Variants in WWOX observed in about 807,000 individuals in gnomAD.
WWOX encodes the protein WW domain-containing oxidoreductase.
Under a neutral mutation model 46.2 loss-of-function variants are expected in WWOX, and 69 were observed. The observed-to-expected ratio is 1.49, with a 90% CI of 1.23 to 1.82. The LOEUF is 1.82. Ranked by LOEUF, WWOX falls within the 40% of genes most tolerant of loss-of-function variation. The pLI is 0.00. For missense variants in WWOX, 919 were observed against 542.6 expected (o/e 1.69, Z -6.89); for synonymous variants, 359 against 202.6 (o/e 1.77, Z -6.56).
intron 8 of WWOX, among the ~76,000 whole-genome samples, chr16:78,562,074 A>G (rs569204014): frequency 2.6e-5 from 4 of 152,328 alleles, no homozygotes; most frequent in African/African-American, 9.6e-5. Context: ...TGGGCACTCA[A>G]CAAACATCAC....
intron 8 of WWOX, among the ~76,000 whole-genome samples, chr16:78,821,962 G>C (rs757170620): frequency 2.0e-5 from 3 of 152,028 alleles, no homozygotes; most frequent in African/African-American, 4.8e-5. Flanking sequence ...CAGCAGCCTC[G>C]ACCTACCAGG....
chr16:78,841,942 G>C (rs1222742496), intron 8 of WWOX, among the ~76,000 whole-genome samples: 1 of 152,064 alleles, frequency 6.6e-6, no homozygotes, highest in Admixed American at 6.6e-5. Context: ...TAATGCACTG[G>C]ACAGAGCTGG....
At chr16:78,554,845 C>G (rs1244742445) in intron 8 of WWOX, among the ~76,000 whole-genome samples, 1 of 152,172 alleles carries the variant, frequency 6.6e-6, no homozygotes, top group African/African-American at 2.4e-5. Flanking sequence ...TGGCCCAGTG[C>G]TTTCTGAAGA....
In WWOX at chr16:78,738,264, C is replaced by T. The variant is rs184043238; in HGVS notation, c.1056+305512C>T. ...GTTGAGTAGATAATTTTTCCCCTTT[C>T]TAATATTATATATTAGGTGTGCTCT... On this transcript the variant is annotated intron_variant, in intron 8 of 8. Coordinates refer to ENST00000566780, the MANE Select transcript of WWOX (RefSeq NM_016373.4). Among the ~76,000 whole-genome samples, 6 of 152,194 alleles carry T rather than the reference C, an allele frequency of 3.9e-5. No individual in the cohort carries two copies. In the East Asian group the frequency reaches 7.7e-4, roughly 20 times the overall value.
At chr16:78,378,440 C>G (rs1419064004) in intron 5 of WWOX, among the ~76,000 whole-genome samples, 1 of 152,074 alleles carries the variant, frequency 6.6e-6, no homozygotes, top group Non-Finnish European at 1.5e-5. Flanking sequence ...AACTGTGTCC[C>G]CATGCATTTT....
At chr16:79,007,176 C>T (rs566152977) in intron 8 of WWOX, among the ~76,000 whole-genome samples, 105 of 152,166 alleles carry the variant, frequency 6.9e-4, no homozygotes, top group Non-Finnish European at 1.2e-3. Context: ...GGGTGAAGGG[C>T]GTTGAAGAAG....
At chr16:78,670,996 G>A (rs1216170328) in intron 8 of WWOX, among the ~76,000 whole-genome samples, 1 of 151,862 alleles carries the variant, frequency 6.6e-6, no homozygotes, top group African/African-American at 2.4e-5. Context: ...ACCAGCCAAG[G>A]AATGCCAAGG....
intron 8 of WWOX, among the ~76,000 whole-genome samples, chr16:79,161,817 T>C (rs1323953179): frequency 2.0e-5 from 3 of 152,172 alleles, no homozygotes; most frequent in Admixed American, 1.3e-4. Flanking sequence ...CCTCACGTGG[T>C]TGAGATTTTT....
intron 5 of WWOX, among the ~76,000 whole-genome samples, chr16:78,285,032 G>C (rs1329203203): frequency 1.3e-5 from 2 of 152,154 alleles, no homozygotes; most frequent in Non-Finnish European, 2.9e-5. Context: ...TTAATGCTTG[G>C]CTAGCTGGTG....
chr16:78,777,528 G>C (rs2050221419), intron 8 of WWOX, among the ~76,000 whole-genome samples: 1 of 152,060 alleles, frequency 6.6e-6, no homozygotes, highest in Admixed American at 6.6e-5. Flanking sequence ...AGAGGCCCCT[G>C]GTCCTACTGA....
intron 8 of WWOX, among the ~76,000 whole-genome samples, chr16:78,703,373 T>G (rs1056435083): frequency 2.0e-5 from 3 of 152,190 alleles, no homozygotes; most frequent in Non-Finnish European, 4.4e-5. Context: ...TCCAGCATTT[T>G]GGGAGGCTGA....
rs368839774 is a variant in WWOX at position 78,107,481 on chromosome 16, T to G, written c.108-942T>G. ...TGTACAATATTCTTATAGTAGCCCCTGAGACCAGTGCTAGGATTATTTCCA... is the reference window on the plus strand; with the variant it reads ...TGTACAATATTCTTATAGTAGCCCCGGAGACCAGTGCTAGGATTATTTCCA... On this transcript the variant is annotated intron_variant, in intron 1 of 8. Coordinates refer to ENST00000566780, the MANE Select transcript of WWOX (RefSeq NM_016373.4). Among the ~76,000 whole-genome samples the G allele has an allele frequency of 7.2e-5, 11 of 152,332 alleles. No individual in the cohort carries two copies. The East Asian group carries it at 1.9e-3, about 27-fold the overall frequency.
At chr16:79,176,979 T>C (rs1032240872) in intron 8 of WWOX, among the ~76,000 whole-genome samples, 1 of 152,158 alleles carries the variant, frequency 6.6e-6, no homozygotes, top group African/African-American at 2.4e-5. Flanking sequence ...TGGAGTACAA[T>C]GAATAGATGT....
intron 8 of WWOX, among the ~76,000 whole-genome samples, chr16:78,640,226 GTTTTTTTTTTTTTTTT>G (rs34129775): frequency 3.1e-5 from 2 of 65,346 alleles, no homozygotes; most frequent in Non-Finnish European, 5.3e-5. Flanking sequence ...TTGTTGTTGG[GTTTTTTTTTTTTTTTT>G]TTTTTTTTTT....
chr16:78,813,441 T>C (rs2142716248), intron 8 of WWOX, among the ~76,000 whole-genome samples: 1 of 152,308 alleles, frequency 6.6e-6, no homozygotes, highest in Admixed American at 6.5e-5. Context: ...AGCTGAGTTT[T>C]GCTAGAGTCC....
rs72154074 is a variant in WWOX at position 78,147,676 on chromosome 16, T to TTTTTTTTG, written c.410-16500_410-16499insGTTTTTTT. Among the ~76,000 whole-genome samples, 383 of 54,164 alleles carry TTTTTTTTG rather than the reference T, an allele frequency of 7.1e-3. 2 individuals carry two copies. Among genetic ancestry groups the TTTTTTTTG allele is most frequent in the Non-Finnish European group, 9.4e-3 (225 of 23,988 alleles). 35.5% of individuals were successfully genotyped at this position (54,164 alleles called of 152,430 possible). A position where few individuals can be genotyped will look rare whatever the true frequency, so the allele number is the denominator to read the frequency against. Reference sequence around the variant, plus strand: ...CTGAATTTTTCTTTTTCTTTCTTCCTTTTTTTTTTTTTTTTTTTTTAAAAA... The same window carrying TTTTTTTTG: ...CTGAATTTTTCTTTTTCTTTCTTCCTTTTTTTTGTTTTTTTTTTTTTTTTTTTTAAAAA... On this transcript the variant is annotated intron_variant, in intron 4 of 8. Coordinates refer to ENST00000566780, the MANE Select transcript of WWOX (RefSeq NM_016373.4).
chr16:79,087,184 A>G (rs192139348), intron 8 of WWOX, among the ~76,000 whole-genome samples: 1 of 152,294 alleles, frequency 6.6e-6, no homozygotes, highest in East Asian at 1.9e-4. Flanking sequence ...GTCTGGGGGA[A>G]ATGCCATGAT....
intron 1 of WWOX, among the ~76,000 whole-genome samples, chr16:78,102,254 G>A (rs571495883): frequency 6.6e-6 from 1 of 152,250 alleles, no homozygotes; most frequent in Admixed American, 6.5e-5. Context: ...TGGGGCAGGA[G>A]GGCAGTCTAG....
chr16:79,113,658 A>G (rs1241493781), intron 8 of WWOX, among the ~76,000 whole-genome samples: 1 of 152,214 alleles, frequency 6.6e-6, no homozygotes, highest in East Asian at 1.9e-4. Context: ...AAGTTGCACT[A>G]AACTGCTCTC....
Sources: gnomAD v4.1 joint callset for allele counts (sites outside exome capture counted in the v4.1 genomes callset) on GRCh38, gnomAD v4.1.1 for gene constraint, MANE v1.5 for transcripts, NCBI Gene and HGNC (gene_info 2026-07-23, HGNC 2026-07-21) for gene names.